Variants in ADAM10 observed in about 807,000 individuals in gnomAD.
The protein encoded by ADAM10 is disintegrin and metalloproteinase domain-containing protein 10.
Under a neutral mutation model 90.1 loss-of-function variants are expected in ADAM10, and 17 were observed. The observed-to-expected ratio is 0.19, with a 90% CI of 0.13 to 0.28. ADAM10 has a LOEUF of 0.28. Among genes scored for constraint, ADAM10 ranks in the 10% least tolerant of loss-of-function variants. ADAM10 has a pLI of 1.00. For synonymous variants in ADAM10, 310 were observed against 298.6 expected (o/e 1.04, Z -0.40); for missense variants, 610 against 914.3 (o/e 0.67, Z 4.29).
At position 58,705,898 on chromosome 15, in the gene ADAM10, ATTG is replaced by A. The variant is rs375987985; in HGVS notation, c.206+11676_206+11678del. On this transcript the variant is annotated intron_variant, in intron 2 of 15. Coordinates refer to ENST00000260408, the MANE Select transcript of ADAM10 (RefSeq NM_001110.4). ...TAATTGTTCTCTTTTGTTATTTGTTATTGTTGTTAATCCCTTACTGTACCTAAT... is the reference window on the plus strand; with the variant it reads ...TAATTGTTCTCTTTTGTTATTTGTTATTGTTAATCCCTTACTGTACCTAAT... Among the ~76,000 whole-genome samples, 218 of 152,290 alleles carry A rather than the reference ATTG, an allele frequency of 1.4e-3. 1 individual carries two copies. Among genetic ancestry groups the A allele is most frequent in the African/African-American group, 4.8e-3 (200 of 41,580 alleles).
chr15:58,687,581 TAA>T (rs58319754), intron 2 of ADAM10, among the ~76,000 whole-genome samples: 2,190 of 129,142 alleles, frequency 0.017, 62 homozygotes, highest in African/African-American at 0.055. Flanking sequence ...TAATTAATCA[TAA>T]AAAAAAAAAA....
chr15:58,651,691 G>C (rs1040005820), intron 5 of ADAM10, among the ~76,000 whole-genome samples: 1 of 152,094 alleles, frequency 6.6e-6, no homozygotes, highest in Non-Finnish European at 1.5e-5. Flanking sequence ...TCCAAATCTT[G>C]GCTATTGTGA....
chr15:58,640,108 C>T lies in ADAM10; in HGVS notation c.1012+669G>A, dbSNP rs1455606743. ...TCACAGCTCCTCCACAACACTCCAC[C>T]CCCACTGTAATGGGAAGGGTATTGT... On this transcript the variant is annotated intron_variant, in intron 8 of 15. Coordinates refer to ENST00000260408, the MANE Select transcript of ADAM10 (RefSeq NM_001110.4). Among the ~76,000 whole-genome samples the T allele has an allele frequency of 3.3e-5, 5 of 152,098 alleles. No homozygotes were observed. The East Asian group carries it at 9.6e-4, about 29-fold the overall frequency.
chr15:58,592,891 T>C lies in ADAM10; in HGVS notation c.*4656A>G, dbSNP rs1894854061. 2 of 150,940 alleles carry C rather than the reference T, an allele frequency of 1.3e-5. No homozygotes were observed. The highest frequency in any genetic ancestry group is 6.6e-5 in the Admixed American group (1 of 15,154). The allele number at this position is 150,940 out of a possible 1,614,324, so 9.4% of individuals were successfully genotyped here. A position where few individuals can be genotyped will look rare whatever the true frequency, so the allele number is the denominator to read the frequency against. On this transcript the variant is annotated 3_prime_UTR_variant, in exon 16 of 16. Transcript: ENST00000260408. ...CACTTTTAGGAATTAATTTCATTAT[T>C]AGGCTGAGGATTTTCCTAAGAATTG...
chr15:58,703,235 G>C (rs1898180221), intron 2 of ADAM10, among the ~76,000 whole-genome samples: 1 of 143,100 alleles, frequency 7.0e-6, no homozygotes, highest in Non-Finnish European at 1.5e-5. Flanking sequence ...AAAAACTGCA[G>C]TATATATTGC....
intron 2 of ADAM10, chr15:58,686,490 A>C: frequency 7.0e-7 from 1 of 1,419,984 alleles, no homozygotes; most frequent in South Asian, 1.2e-5. Flanking sequence ...GAGAGGATCA[A>C]TGTCTCTCAG....
intron 2 of ADAM10, among the ~76,000 whole-genome samples, chr15:58,696,854 C>T (rs1367645870): frequency 6.6e-6 from 1 of 152,128 alleles, no homozygotes; most frequent in Non-Finnish European, 1.5e-5. Flanking sequence ...GAACGGTCCC[C>T]TCCACTCCTT....
At chr15:58,633,656 A>T (rs1305240359) in intron 8 of ADAM10, among the ~76,000 whole-genome samples, 1 of 152,196 alleles carries the variant, frequency 6.6e-6, no homozygotes, top group Non-Finnish European at 1.5e-5. Context: ...GAAAACAAAT[A>T]TTTACATTTC....
intron 2 of ADAM10, chr15:58,691,203 C>T (rs1176273664): frequency 1.1e-5 from 8 of 757,488 alleles, no homozygotes; most frequent in African/African-American, 5.1e-5. Flanking sequence ...TTTCATGAGC[C>T]TGCAGAGGTT....
At chr15:58,688,786 A>ATATATATATATATCTCTCTCTC in intron 2 of ADAM10, among the ~76,000 whole-genome samples, 14 of 122,394 alleles carry the variant, frequency 1.1e-4, no homozygotes, top group African/African-American at 5.0e-4. Context: ...ATATATATAT[A>ATATATATATATATCTCTCTCTC]TCTCTCTCTC....
At chr15:58,645,597 G>C (rs895388258) in intron 6 of ADAM10, among the ~76,000 whole-genome samples, 2 of 151,774 alleles carry the variant, frequency 1.3e-5, no homozygotes, top group African/African-American at 4.8e-5. Context: ...ATTCTCACTG[G>C]GTACCTTCCA....
chr15:58,737,793 A>T (rs576949674), intron 1 of ADAM10, among the ~76,000 whole-genome samples: 1 of 152,308 alleles, frequency 6.6e-6, no homozygotes, highest in Non-Finnish European at 1.5e-5. Flanking sequence ...CTTCTGTTCC[A>T]ATCTACTAAA....
chr15:58,673,686 T>A (rs559145795), intron 4 of ADAM10, among the ~76,000 whole-genome samples: 4 of 152,124 alleles, frequency 2.6e-5, no homozygotes, highest in Admixed American at 6.5e-5. Context: ...CTAAGCATAT[T>A]TTTTCCAGAT....
At position 58,675,176 on chromosome 15, in the gene ADAM10, C is replaced by T. The variant is rs185983331; in HGVS notation, c.484+3948G>A. The stretch of plus-strand genomic sequence containing the variant: ...TGGCACCACTGCACTCCAGCCTGGG[C>T]GACGGAGGTATAGGCAAATTCAACC... On this transcript the variant is annotated intron_variant, in intron 4 of 15. Coordinates refer to ENST00000260408, the MANE Select transcript of ADAM10 (RefSeq NM_001110.4). 3.1e-4 allele frequency among the ~76,000 whole-genome samples: 47 copies of T among 152,220 alleles called. No individual in the cohort carries two copies. The East Asian group carries it at 7.9e-3, about 26-fold the overall frequency.
intron 1 of ADAM10, chr15:58,748,474 G>A: frequency 6.5e-6 from 1 of 153,638 alleles, no homozygotes; most frequent in East Asian, 1.9e-4. Context: ...ATAAAATGAT[G>A]CAGCTGGTCC....
At chr15:58,693,081 G>A (rs767045746) in intron 2 of ADAM10, 5 of 746,388 alleles carry the variant, frequency 6.7e-6, no homozygotes, top group South Asian at 5.4e-5. Flanking sequence ...ACTCCTGAAG[G>A]AAAATCTCCT....
At chr15:58,684,520 A>C (rs1897533445) in intron 2 of ADAM10, among the ~76,000 whole-genome samples, 2 of 152,364 alleles carry the variant, frequency 1.3e-5, no homozygotes, top group South Asian at 4.1e-4. Context: ...GAAACTCTTG[A>C]ACAATGAGAT....
chr15:58,664,572 GT>G (rs1450832429), intron 5 of ADAM10, among the ~76,000 whole-genome samples: 1 of 151,832 alleles, frequency 6.6e-6, no homozygotes, highest in South Asian at 2.1e-4. Context: ...TATGATAAAT[GT>G]TTTATCATAA....
intron 1 of ADAM10, among the ~76,000 whole-genome samples, chr15:58,720,958 T>C (rs114244852): frequency 1.3e-5 from 2 of 152,338 alleles, no homozygotes; most frequent in African/African-American, 4.8e-5. Context: ...ATTCCACTCC[T>C]TTTTCGGCAC....
Sources: allele counts gnomAD v4.1 joint callset (sites outside exome capture counted in the v4.1 genomes callset), GRCh38; gene constraint gnomAD v4.1.1; transcripts MANE v1.5; gene names NCBI Gene and HGNC (gene_info 2026-07-23, HGNC 2026-07-21).